The following LRRTM3 variants were observed in gnomAD, a reference collection of about 807,000 sequenced individuals.
LRRTM3 encodes leucine rich repeat transmembrane neuronal 3, also known as leucine-rich repeat transmembrane neuronal protein 3.
LRRTM3 carries 24 observed loss-of-function variants against 44.7 expected under a neutral mutation model. The observed-to-expected ratio is 0.54, with a 90% CI of 0.39 to 0.76. LRRTM3 has a LOEUF of 0.76. Among genes scored for constraint, LRRTM3 ranks in the 30% least tolerant of loss-of-function variants. The probability of loss-of-function intolerance (pLI) is 0.00; values close to 1 mark genes in which losing one functional copy is unlikely to be tolerated. For missense variants in LRRTM3, 587 were observed against 702.2 expected, an observed-to-expected ratio of 0.84 and a Z score of 1.85; for synonymous variants, 277 against 278.7, an observed-to-expected ratio of 0.99 and a Z score of 0.06.
At chr10:67,017,490 A>T (rs1393525331) in intron 2 of LRRTM3, among the ~76,000 whole-genome samples, 1 of 152,172 alleles carries the variant, frequency 6.6e-6, no homozygotes, top group East Asian at 1.9e-4. Context: ...TGGCATCCAC[A>T]ATCTATCTTT....
intron 2 of LRRTM3, among the ~76,000 whole-genome samples, chr10:66,951,472 C>T (rs1488199522): frequency 6.6e-6 from 1 of 152,108 alleles, no homozygotes; most frequent in Non-Finnish European, 1.5e-5. Context: ...TAATGTGTCC[C>T]CTAACGTATT....
chr10:67,066,985 G>A (rs902455319), intron 2 of LRRTM3, among the ~76,000 whole-genome samples: 1 of 152,096 alleles, frequency 6.6e-6, no homozygotes, highest in Non-Finnish European at 1.5e-5. Context: ...TTAACAGAGT[G>A]AAATTTATGT....
chr10:67,067,790 A>G (rs2131837553), intron 2 of LRRTM3, among the ~76,000 whole-genome samples: 1 of 152,340 alleles, frequency 6.6e-6, no homozygotes, highest in Middle Eastern at 3.4e-3. Context: ...ATCTGGGCAC[A>G]CTATGTGCTG....
intron 1 of LRRTM3, 135 bp downstream of exon 1, chr10:66,926,722 T>C (rs1433822144): frequency 8.9e-7 from 1 of 1,129,264 alleles, no homozygotes; most frequent in African/African-American, 1.6e-5. Context: ...ATTTGCTTAG[T>C]GGCATGTTTC....
Position 66,955,929 on chromosome 10 carries a change from T to C in LRRTM3, c.1536+27477T>C, listed in dbSNP as rs180809513. Among the ~76,000 whole-genome samples, 420 of 152,268 alleles carry C rather than the reference T, an allele frequency of 2.8e-3. 4 individuals are homozygous for C. Among genetic ancestry groups the C allele is most frequent in the African/African-American group, 9.9e-3 (410 of 41,564 alleles). On this transcript the variant is annotated intron_variant, in intron 2 of 2. Coordinates refer to ENST00000361320, the MANE Select transcript of LRRTM3 (RefSeq NM_178011.5). ...CGCTACAACATGGCATTTGGAAATT[T>C]GCTTAGGCAAAATTTAGTCATTCTG...
intron 2 of LRRTM3, among the ~76,000 whole-genome samples, chr10:67,052,243 A>G (rs907189248): frequency 2.0e-5 from 3 of 151,836 alleles, no homozygotes; most frequent in African/African-American, 7.3e-5. Flanking sequence ...ACTGCAAAGC[A>G]CTGCCTCTTC....
intron 2 of LRRTM3, among the ~76,000 whole-genome samples, chr10:67,036,834 T>C (rs1031524032): frequency 6.6e-6 from 1 of 152,002 alleles, no homozygotes; most frequent in African/African-American, 2.4e-5. Context: ...GGGAAATGAA[T>C]ATTAAAGTAG....
At chr10:67,024,522 G>T (rs866957761) in intron 2 of LRRTM3, among the ~76,000 whole-genome samples, 11 of 152,098 alleles carry the variant, frequency 7.2e-5, no homozygotes, top group Admixed American at 2.0e-4. Context: ...GGCATTATTT[G>T]GCCTACCATA....
chr10:67,100,791 C>T lies in LRRTM3; in HGVS notation c.*2995C>T, dbSNP rs1472740494. On this transcript the variant is annotated 3_prime_UTR_variant, in exon 3 of 3. Coordinates refer to ENST00000361320, the MANE Select transcript of LRRTM3 (RefSeq NM_178011.5). ...TCTTCATAACAACCCTATGAAGACA[C>T]ATTAATCTCAAAGAAATTGAGCTCT... Among the ~76,000 whole-genome samples the T allele has an allele frequency of 6.6e-6, 1 of 151,620 alleles. No homozygotes were observed. The highest frequency in any genetic ancestry group is 6.6e-5 in the Admixed American group (1 of 15,152).
At chr10:66,931,636 T>C (rs1847400629) in intron 2 of LRRTM3, among the ~76,000 whole-genome samples, 1 of 152,344 alleles carries the variant, frequency 6.6e-6, no homozygotes, top group African/African-American at 2.4e-5. Flanking sequence ...GTTTACAACA[T>C]GTTTTTTGAC....
chr10:66,930,901 C>T (rs891744410), intron 2 of LRRTM3, among the ~76,000 whole-genome samples: 1 of 152,118 alleles, frequency 6.6e-6, no homozygotes, highest in Non-Finnish European at 1.5e-5. Context: ...TTTCTCCTCA[C>T]TCTTTGAGAA....
In LRRTM3 at chr10:67,062,203, A is replaced by G. The variant is rs551263125; in HGVS notation, c.1537-35384A>G. ...GATAAGAACGTTAAAACCCACAGAG[A>G]GTAAATTGTTTAAAGTCACTCAAGT... On this transcript the variant is annotated intron_variant, in intron 2 of 2. Coordinates refer to ENST00000361320, the MANE Select transcript of LRRTM3 (RefSeq NM_178011.5). 5.5e-5 allele frequency among the ~76,000 whole-genome samples: 8 copies of G among 145,862 alleles called. No individual in the cohort carries two copies. In the East Asian group the frequency reaches 1.6e-3, roughly 29 times the overall value.
chr10:67,027,180 G>A (rs895864903), intron 2 of LRRTM3, among the ~76,000 whole-genome samples: 59 of 152,198 alleles, frequency 3.9e-4, no homozygotes, highest in African/African-American at 1.2e-3. Context: ...GGAAAGGAGC[G>A]TAGGAAGTAA....
At chr10:67,072,643 G>A (rs1002090442) in intron 2 of LRRTM3, among the ~76,000 whole-genome samples, 6 of 152,106 alleles carry the variant, frequency 3.9e-5, no homozygotes, top group Admixed American at 2.6e-4. Context: ...ATCTATACTT[G>A]TAAGCCATGA....
chr10:67,056,073 T>C (rs1855409758), intron 2 of LRRTM3, among the ~76,000 whole-genome samples: 1 of 152,080 alleles, frequency 6.6e-6, no homozygotes, highest in African/African-American at 2.4e-5. Flanking sequence ...TGTAAAGTAT[T>C]GGAAAGAACA....
At chr10:67,001,315 A>G (rs1383996874) in intron 2 of LRRTM3, among the ~76,000 whole-genome samples, 1 of 150,906 alleles carries the variant, frequency 6.6e-6, no homozygotes, top group Non-Finnish European at 1.5e-5. Context: ...AAAAAAAAGA[A>G]AAAAAAAGAG....
chr10:67,019,849 T>C (rs1852884907), intron 2 of LRRTM3, among the ~76,000 whole-genome samples: 1 of 152,206 alleles, frequency 6.6e-6, no homozygotes, highest in Admixed American at 6.5e-5. Context: ...ACAAATCTGT[T>C]CCTCTTCCGT....
rs1010705004 is a variant in LRRTM3 at position 66,926,498 on chromosome 10, T to C, written c.-86T>C. 6 of 1,522,732 alleles carry C rather than the reference T, an allele frequency of 3.9e-6. No homozygotes were observed. The highest frequency in any genetic ancestry group is 1.2e-5 in the South Asian group (1 of 86,826). The allele number at this position is 1,522,732 out of a possible 1,614,324, so 94.3% of individuals were successfully genotyped here. A position where few individuals can be genotyped will look rare whatever the true frequency, so the allele number is the denominator to read the frequency against. On this transcript the variant is annotated 5_prime_UTR_variant, in exon 1 of 3. Coordinates refer to ENST00000361320, the MANE Select transcript of LRRTM3 (RefSeq NM_178011.5). ...TGGGTGTCAGCGAGCCCTGACTCAC[T>C]ACAGTGCAGCTGACAGGGGCTGTCA...
intron 2 of LRRTM3, among the ~76,000 whole-genome samples, chr10:66,961,273 C>T (rs992289966): frequency 6.6e-6 from 1 of 152,108 alleles, no homozygotes; most frequent in African/African-American, 2.4e-5. Context: ...CTCTCTTACT[C>T]ACTCCAAAAT....
Sources: allele counts gnomAD v4.1 joint callset (sites outside exome capture counted in the v4.1 genomes callset), GRCh38; gene constraint gnomAD v4.1.1; transcripts MANE v1.5; gene names NCBI Gene and HGNC (gene_info 2026-07-23, HGNC 2026-07-21).